WASHC2C: variants seen among roughly 807,000 people sequenced by gnomAD.
WASHC2C encodes the protein WASH complex subunit 2C.
WASHC2C carries 73 observed loss-of-function variants against 142.2 expected under a neutral mutation model. The observed-to-expected ratio is 0.51, with a 90% confidence interval of 0.43 to 0.62. The LOEUF (loss-of-function observed/expected upper bound fraction) is 0.62. Ranked by LOEUF, WASHC2C falls within the 20% of genes least tolerant of loss-of-function variation. The pLI is 0.00. For synonymous variants in WASHC2C, 337 were observed against 565.5 expected (o/e 0.60, Z 5.73); for missense variants, 969 against 1,531.7 (o/e 0.63, Z 6.13).
At chr10:45,783,519 T>G (rs183201884) in intron 23 of WASHC2C, among the ~76,000 whole-genome samples, 181 of 152,296 alleles carry the variant, frequency 1.2e-3, no homozygotes, top group African/African-American at 4.2e-3. Context: ...TGGAGTGCAG[T>G]GGCATGATCT....
intron 5 of WASHC2C, among the ~76,000 whole-genome samples, chr10:45,742,584 G>A (rs1274877190): frequency 6.6e-6 from 1 of 152,088 alleles, no homozygotes; most frequent in Non-Finnish European, 1.5e-5. Context: ...CCAAAGTGCT[G>A]GGATTACAGG....
chr10:45,786,933 C>G (rs1237818385), intron 27 of WASHC2C, 102 bp from the exon 28 acceptor site: 9 of 1,611,228 alleles, frequency 5.6e-6, no homozygotes, highest in Admixed American at 1.7e-5. Context: ...CTACTCCTCT[C>G]GTATTATACA....
chr10:45,787,153 G>A lies in WASHC2C; in HGVS notation c.2993G>A (p.Gly998Asp), dbSNP rs2058101552. ...TCATCTGAACACAGAAGGAGCCACG[G>A]TCTGGAAAGTGTGCCTGTCCTTCCC... ...FPSSEHRRSHGLESVPVLPGS... is the reference protein window; with the variant it reads ...FPSSEHRRSHDLESVPVLPGS... Residue 998 changes from glycine to aspartate, a missense_variant, in exon 28 of 31, where the codon GGT becomes GAT. Gly to Asp is a moderately conservative substitution (Grantham distance 94). Transcript: ENST00000623400. 5 of 1,574,178 alleles carry A rather than the reference G, an allele frequency of 3.2e-6. No individual in the cohort carries two copies. The Admixed American group carries it at 8.9e-5, about 28-fold the overall frequency.
At chr10:45,767,029 G>A (rs1172749135) in intron 19 of WASHC2C, among the ~76,000 whole-genome samples, 1 of 152,020 alleles carries the variant, frequency 6.6e-6, no homozygotes, top group African/African-American at 2.4e-5. Context: ...CACTTTGAGA[G>A]TCTGAGGCAG....
rs374884565 is a variant in WASHC2C at position 45,737,939 on chromosome 10, A to G, written c.292-44A>G. ...ATTCTTATATTGTGATTTATTTCCA[A>G]TGACGTGTTGACCTTTTAACATTGA... On this transcript the variant is annotated intron_variant, in intron 3 of 30. Coordinates refer to ENST00000623400, the MANE Select transcript of WASHC2C (RefSeq NM_001330074.2). The G allele has an allele frequency of 2.1e-4, 336 of 1,611,740 alleles. No individual in the cohort carries two copies. The African/African-American group carries it at 3.9e-3, about 19-fold the overall frequency.
intron 19 of WASHC2C, among the ~76,000 whole-genome samples, chr10:45,769,098 T>C (rs1288212282): frequency 6.6e-6 from 1 of 152,160 alleles, no homozygotes; most frequent in Non-Finnish European, 1.5e-5. Context: ...CCATGTTTTA[T>C]AATCTAAATT....
chr10:45,765,274 G>A (rs1294375602), intron 18 of WASHC2C, among the ~76,000 whole-genome samples: 5 of 150,514 alleles, frequency 3.3e-5, no homozygotes, highest in Admixed American at 3.3e-4. Context: ...CATTGTTCTG[G>A]TTTCTCATTC....
chr10:45,779,766 C>T (rs1176448168), intron 23 of WASHC2C, among the ~76,000 whole-genome samples: 7 of 152,086 alleles, frequency 4.6e-5, no homozygotes, highest in African/African-American at 1.4e-4. Flanking sequence ...GTGGGTGGAT[C>T]ACAAGGTCAA....
At chr10:45,750,484 A>G (rs573961475) in intron 9 of WASHC2C, among the ~76,000 whole-genome samples, 169 of 152,082 alleles carry the variant, frequency 1.1e-3, no homozygotes, top group African/African-American at 3.8e-3. Flanking sequence ...CCTTTTTCTT[A>G]TTTTCGTATT....
intron 28 of WASHC2C, among the ~76,000 whole-genome samples, chr10:45,787,707 C>G (rs1478732793): frequency 1.3e-5 from 2 of 151,928 alleles, no homozygotes; most frequent in African/African-American, 4.8e-5. Context: ...TGACTCCAGG[C>G]ACACCAGGTG....
intron 3 of WASHC2C, among the ~76,000 whole-genome samples, chr10:45,734,204 G>A (rs1459165357): frequency 1.3e-5 from 2 of 152,080 alleles, no homozygotes; most frequent in Non-Finnish European, 2.9e-5. Flanking sequence ...CAGCCAGGGT[G>A]ACAGAGCAAG....
chr10:45,779,823 A>G (rs563912299), intron 23 of WASHC2C, among the ~76,000 whole-genome samples: 5,225 of 151,780 alleles, frequency 0.034, no homozygotes, highest in African/African-American at 0.12. Flanking sequence ...TGTTTCTACT[A>G]AAAATACAAG....
chr10:45,751,758 A>T (rs1488485277), intron 11 of WASHC2C, among the ~76,000 whole-genome samples: 1 of 152,146 alleles, frequency 6.6e-6, no homozygotes, highest in Non-Finnish European at 1.5e-5. Context: ...CGGGTGGATC[A>T]TGAGGTCAGG....
intron 3 of WASHC2C, among the ~76,000 whole-genome samples, chr10:45,735,216 GA>G (rs563141608): frequency 4.0e-4 from 61 of 151,542 alleles, no homozygotes; most frequent in African/African-American, 1.4e-3. Flanking sequence ...TGAATTTGAG[GA>G]TTATCTTTTA....
At chr10:45,770,240 CAAAAAAAAA>C (rs552574113) in intron 20 of WASHC2C, among the ~76,000 whole-genome samples, 1 of 83,158 alleles carries the variant, frequency 1.2e-5, no homozygotes, top group Non-Finnish European at 2.3e-5. Context: ...GACTCCATCT[CAAAAAAAAA>C]AAAAAAAAAG....
At chr10:45,750,037 C>T (rs2053403191) in intron 8 of WASHC2C, 59 bp from the exon 9 acceptor site, 3 of 1,481,176 alleles carry the variant, frequency 2.0e-6, no homozygotes, top group Non-Finnish European at 2.7e-6. Context: ...TAAAGGCTGA[C>T]AGTATCTCTT....
intron 23 of WASHC2C, among the ~76,000 whole-genome samples, chr10:45,784,291 C>CACACATAT (rs2057833191): frequency 1.1e-4 from 1 of 8,786 alleles, no homozygotes; most frequent in Non-Finnish European, 2.2e-4. Context: ...TATATATATA[C>CACACATAT]ACATATATAT....
intron 15 of WASHC2C, among the ~76,000 whole-genome samples, 199 bp from the exon 16 acceptor site, chr10:45,756,812 CT>C (rs775135414): frequency 2.6e-5 from 4 of 152,244 alleles, no homozygotes; most frequent in Non-Finnish European, 4.4e-5. Flanking sequence ...TCTGTTCTGT[CT>C]TTCAACTGAA....
chr10:45,770,240 CAA>C (rs552574113), intron 20 of WASHC2C, among the ~76,000 whole-genome samples: 15 of 83,124 alleles, frequency 1.8e-4, no homozygotes, highest in Admixed American at 2.8e-4. Flanking sequence ...GACTCCATCT[CAA>C]AAAAAAAAAA....
Sources: gnomAD v4.1 joint callset for allele counts (sites outside exome capture counted in the v4.1 genomes callset) on GRCh38, gnomAD v4.1.1 for gene constraint, MANE v1.5 for transcripts, NCBI Gene and HGNC (gene_info 2026-07-23, HGNC 2026-07-21) for gene names.